The following EZR variants were observed in gnomAD, a reference collection of about 807,000 sequenced individuals.
EZR encodes cytovillin 2.
A neutral mutation model predicts 74.8 loss-of-function variants in EZR; 40 were observed. That is an observed-to-expected ratio of 0.53 (90% CI 0.42 to 0.70). The LOEUF is 0.70. Ranked by LOEUF, EZR falls within the 30% of genes least tolerant of loss-of-function variation. The probability of loss-of-function intolerance (pLI) is 0.00; values close to 1 mark genes in which losing one functional copy is unlikely to be tolerated. For synonymous variants in EZR, 341 were observed against 283.3 expected (o/e 1.20, Z -2.05); for missense variants, 678 against 755.8 (o/e 0.90, Z 1.21).
At position 158,767,285 on chromosome 6, in the gene EZR, GTTC is replaced by G; in HGVS notation, c.1569_1571del (p.Lys523del). On this transcript the variant is annotated inframe_deletion, in exon 13 of 14. Coordinates refer to ENST00000367075, the MANE Select transcript of EZR (RefSeq NM_001111077.2). ...CCAGCAGCTGCCGCTGCACACGCTCGTTCTTCTCTGCCTCAGTGATGCGCTTCT... is the reference window on the plus strand; with the variant it reads ...CCAGCAGCTGCCGCTGCACACGCTCGTTCTCTGCCTCAGTGATGCGCTTCT... The G allele has an allele frequency of 1.2e-6, 2 of 1,613,872 alleles. No homozygotes were observed.
In EZR at chr6:158,774,006, G is replaced by T. The variant is rs144439610; in HGVS notation, c.795+2402C>A. Among the ~76,000 whole-genome samples the T allele has an allele frequency of 2.8e-3, 425 of 152,334 alleles. 1 individual carries two copies. Among genetic ancestry groups the T allele is most frequent in the African/African-American group, 9.8e-3 (406 of 41,566 alleles). On this transcript the variant is annotated intron_variant, in intron 8 of 13. Coordinates refer to ENST00000367075, the MANE Select transcript of EZR (RefSeq NM_001111077.2). ...GGGAAGAGAAGCTGGCTTTTAAAAA[G>T]GAGACGCCAGTTGTTGGGTGAGAAC...
chr6:158,767,673 G>T (rs1280538695), intron 12 of EZR, among the ~76,000 whole-genome samples, 161 bp from the exon 13 acceptor site: 2 of 152,182 alleles, frequency 1.3e-5, no homozygotes. Context: ...TGCATGGGGG[G>T]TTTACAACCC....
At chr6:158,769,491 A>C (rs937446372) in intron 11 of EZR, 73 bp from the exon 12 acceptor site, 2 of 1,463,254 alleles carry the variant, frequency 1.4e-6, no homozygotes, top group Admixed American at 3.5e-5. Flanking sequence ...ATGAGTGTTC[A>C]TGTGTGTTGG....
intron 8 of EZR, among the ~76,000 whole-genome samples, chr6:158,772,472 G>A (rs865899801): frequency 4.6e-5 from 7 of 152,238 alleles, no homozygotes; most frequent in Admixed American, 6.5e-5. Context: ...GGTGCTCGGC[G>A]CAGGAAGAGC....
At chr6:158,786,673 G>T (rs544570095) in intron 4 of EZR, among the ~76,000 whole-genome samples, 4 of 151,240 alleles carry the variant, frequency 2.6e-5, no homozygotes, top group Non-Finnish European at 5.9e-5. Flanking sequence ...AAAAAAAAAG[G>T]ATAATTTTCA....
In EZR at chr6:158,766,616, CTTACTCAGACT is replaced by C; in HGVS notation, c.*287_*297del. The C allele has an allele frequency of 2.9e-6, 1 of 350,130 alleles. No homozygotes were observed. Among genetic ancestry groups the C allele is most frequent in the Non-Finnish European group, 5.2e-6 (1 of 193,688 alleles). 21.7% of individuals were successfully genotyped at this position (350,130 alleles called of 1,614,324 possible). Reference sequence around the variant, plus strand: ...TATCACACAGGCCAGCATGAAGTTTCTTACTCAGACTTTACAGGCATTTTCCGTAATTCAAT... The same window carrying C: ...TATCACACAGGCCAGCATGAAGTTTCTTACAGGCATTTTCCGTAATTCAAT... On this transcript the variant is annotated 3_prime_UTR_variant, in exon 14 of 14. Coordinates refer to ENST00000367075, the MANE Select transcript of EZR (RefSeq NM_001111077.2).
chr6:158,815,266 T>C (rs1777530332), intron 2 of EZR, among the ~76,000 whole-genome samples: 1 of 152,196 alleles, frequency 6.6e-6, no homozygotes, highest in Non-Finnish European at 1.5e-5. Context: ...CTGGATCCTC[T>C]CTAACAGCCT....
intron 2 of EZR, among the ~76,000 whole-genome samples, chr6:158,795,722 T>C (rs1380995681): frequency 6.6e-6 from 1 of 152,192 alleles, no homozygotes; most frequent in Non-Finnish European, 1.5e-5. Flanking sequence ...ACCACAGTGC[T>C]TCCCACATCA....
intron 12 of EZR, among the ~76,000 whole-genome samples, chr6:158,767,783 T>C (rs1432825101): frequency 6.6e-6 from 1 of 152,096 alleles, no homozygotes; most frequent in Non-Finnish European, 1.5e-5. Flanking sequence ...ATTATATAAT[T>C]TTTAGAAAAA....
At chr6:158,817,535 C>A (rs980725326) in intron 2 of EZR, among the ~76,000 whole-genome samples, 1 of 152,228 alleles carries the variant, frequency 6.6e-6, no homozygotes, top group Non-Finnish European at 1.5e-5. Flanking sequence ...TCTGCTGCAG[C>A]CAGCAAGTTT....
At position 158,784,742 on chromosome 6, in the gene EZR, G is replaced by C. The variant is rs1269904455; in HGVS notation, c.468-15C>G. 3 of 1,611,820 alleles carry C rather than the reference G, an allele frequency of 1.9e-6. No individual in the cohort carries two copies. Among genetic ancestry groups the C allele is most frequent in the Admixed American group, 3.3e-5 (2 of 60,020 alleles). ...GGTCCATCACTCTGGAATGCAAAAG[G>C]AAACAGCACTGTCATCCTTAAGGAA... On this transcript the variant is annotated splice_polypyrimidine_tract_variant and intron_variant, in intron 5 of 13. Transcript: ENST00000367075.
chr6:158,778,366 A>T (rs1326944769), intron 7 of EZR, among the ~76,000 whole-genome samples: 3 of 152,162 alleles, frequency 2.0e-5, no homozygotes, highest in Non-Finnish European at 1.5e-5. Context: ...GGACTTTGAA[A>T]CCTCATATAA....
intron 2 of EZR, among the ~76,000 whole-genome samples, chr6:158,798,288 A>G (rs927907005): frequency 1.3e-5 from 2 of 152,276 alleles, no homozygotes; most frequent in African/African-American, 4.8e-5. Context: ...ACAGCTGAAA[A>G]ACAATGGCAT....
In EZR at chr6:158,771,282, G is replaced by A. The variant is rs764765579; in HGVS notation, c.921C>T (p.Ala307=). The A allele has an allele frequency of 6.8e-6, 11 of 1,614,136 alleles. No homozygotes were observed. Among genetic ancestry groups the A allele is most frequent in the Non-Finnish European group, 9.3e-6 (11 of 1,180,004 alleles). The change falls in exon 9 of 14, where the codon GCC becomes GCT. Residue 307 remains alanine (A), a synonymous_variant. Coordinates refer to ENST00000367075, the MANE Select transcript of EZR (RefSeq NM_001111077.2). ...TCTGATGCTTCTCCTCCCGGGCCTG[G>A]GCCTTCATCTGCTGCACCTCGATGG... The part of the protein sequence containing the change: ...PDTIEVQQMK[A]QAREEKHQKQ...
At chr6:158,809,505 C>T (rs932005479) in intron 2 of EZR, among the ~76,000 whole-genome samples, 3 of 152,190 alleles carry the variant, frequency 2.0e-5, no homozygotes, top group Non-Finnish European at 4.4e-5. Flanking sequence ...AAGACCCACC[C>T]AAACACCAGC....
intron 2 of EZR, among the ~76,000 whole-genome samples, chr6:158,790,381 A>C (rs1205988912): frequency 1.3e-5 from 2 of 152,250 alleles, no homozygotes; most frequent in African/African-American, 4.8e-5. Context: ...GTTTTAAAAA[A>C]ACAAAACACT....
Position 158,769,376 on chromosome 6 carries a change from C to A in EZR, c.1294G>T (p.Glu432Ter), listed in dbSNP as rs2128564184. The stretch of plus-strand genomic sequence containing the variant: ...TCCTCCTTGCGCCTCCGCGCCTCTT[C>A]CAGGAGGGCAATCTTGGCAGTGTAT... ...AEYTAKIALL[E>*]EARRRKEDEV... Residue 432 changes from glutamate (E) to a stop codon, truncating the protein, a stop_gained, in exon 12 of 14, where the codon GAA (glutamate) becomes TAA (stop). Transcript: ENST00000367075. LOFTEE classifies it high-confidence loss of function. 6.2e-7 allele frequency: 1 copy of A among 1,609,252 alleles called. No individual in the cohort carries two copies.
chr6:158,818,243 G>C (rs561056224), intron 1 of EZR, 77 bp from the exon 2 acceptor site: 3 of 734,048 alleles, frequency 4.1e-6, no homozygotes, highest in Non-Finnish European at 6.4e-6. Flanking sequence ...CTCGGCGCCC[G>C]CAGCGCGCTG....
intron 1 of EZR, among the ~76,000 whole-genome samples, chr6:158,818,396 G>A (rs967762326): frequency 6.6e-6 from 1 of 151,020 alleles, no homozygotes; most frequent in African/African-American, 2.4e-5. Context: ...CGCGCCCAAG[G>A]GGCAGCCGGC....
Sources: gnomAD v4.1 joint callset for allele counts (sites outside exome capture counted in the v4.1 genomes callset) on GRCh38, gnomAD v4.1.1 for gene constraint, MANE v1.5 for transcripts, NCBI Gene and HGNC (gene_info 2026-07-23, HGNC 2026-07-21) for gene names.